The following TAB2 variants were observed in gnomAD, a reference collection of about 807,000 sequenced individuals.
TAB2 encodes the protein TGF-beta activated kinase 1 (MAP3K7) binding protein 2, also known as TGF-beta-activated kinase 1 and MAP3K7-binding protein 2.
TAB2 carries 3 observed loss-of-function variants against 65.0 expected under a neutral mutation model. The observed-to-expected ratio is 0.05, with a 90% CI of 0.02 to 0.12. TAB2 has a LOEUF of 0.12. Ranked by LOEUF, TAB2 falls within the 10% of genes least tolerant of loss-of-function variation. The probability of loss-of-function intolerance (pLI) is 1.00; values close to 1 mark genes in which losing one functional copy is unlikely to be tolerated. For missense variants in TAB2, 623 were observed against 840.3 expected, an observed-to-expected ratio of 0.74 and a Z score of 3.20; for synonymous variants, 298 against 285.1, an observed-to-expected ratio of 1.05 and a Z score of -0.46.
At chr6:149,318,610 C>A (rs1279159877) in intron 1 of TAB2, 1 of 152,198 alleles carries the variant, frequency 6.6e-6, no homozygotes, top group African/African-American at 2.4e-5. Flanking sequence ...CCTTAAATTT[C>A]ACTGGATGTT....
chr6:149,292,493 C>T (rs1778795350), intron 1 of TAB2, among the ~76,000 whole-genome samples: 1 of 151,646 alleles, frequency 6.6e-6, no homozygotes, highest in Non-Finnish European at 1.5e-5. Context: ...TTTCTCCTTA[C>T]TTTGAAAAAG....
intron 1 of TAB2, among the ~76,000 whole-genome samples, chr6:149,356,564 G>C (rs575218595): frequency 1.3e-5 from 2 of 152,120 alleles, no homozygotes; most frequent in Non-Finnish European, 2.9e-5. Flanking sequence ...CTATGTCCTC[G>C]CATGGTGGAA....
At chr6:149,271,713 A>G (rs1778368142) in intron 1 of TAB2, among the ~76,000 whole-genome samples, 1 of 152,174 alleles carries the variant, frequency 6.6e-6, no homozygotes, top group East Asian at 1.9e-4. Context: ...GGAAGAGTCT[A>G]CGTAGGGGAT....
chr6:149,309,510 C>T (rs1418760951), intron 1 of TAB2, among the ~76,000 whole-genome samples: 2 of 151,914 alleles, frequency 1.3e-5, no homozygotes, highest in Non-Finnish European at 1.5e-5. Flanking sequence ...CTTTCTCCTG[C>T]CTCAGCCTCC....
intron 1 of TAB2, among the ~76,000 whole-genome samples, chr6:149,231,206 G>A (rs548714707): frequency 3.3e-5 from 5 of 152,338 alleles, no homozygotes; most frequent in East Asian, 1.9e-4. Context: ...AAGGGGAGAC[G>A]AAATGTGGAC....
chr6:149,377,225 C>A (rs1026309458), intron 2 of TAB2, among the ~76,000 whole-genome samples: 1 of 151,810 alleles, frequency 6.6e-6, no homozygotes, highest in Non-Finnish European at 1.5e-5. Context: ...CGCCCGCCAC[C>A]ACGCCCGGCT....
intron 6 of TAB2, among the ~76,000 whole-genome samples, chr6:149,403,519 G>C (rs1392346029): frequency 1.3e-5 from 2 of 151,470 alleles, no homozygotes; most frequent in African/African-American, 2.4e-5. Context: ...TTTCAACGTA[G>C]TACAGGAAGT....
chr6:149,254,006 G>GAAAGAAAGAAAGAAAGA, intron 1 of TAB2, among the ~76,000 whole-genome samples: 1 of 139,124 alleles, frequency 7.2e-6, no homozygotes, highest in South Asian at 2.4e-4. Flanking sequence ...AAGAAAGAAA[G>GAAAGAAAGAAAGAAAGA]AAAGAAAGAA....
At chr6:149,235,474 A>G (rs1254160457) in intron 1 of TAB2, among the ~76,000 whole-genome samples, 3 of 152,240 alleles carry the variant, frequency 2.0e-5, no homozygotes, top group African/African-American at 7.2e-5. Flanking sequence ...AGGAACTAGG[A>G]TCAGGAGGGT....
At chr6:149,226,332 C>T (rs947491078) in intron 1 of TAB2, among the ~76,000 whole-genome samples, 1 of 152,118 alleles carries the variant, frequency 6.6e-6, no homozygotes, top group South Asian at 2.1e-4. Flanking sequence ...CGTGCTTCCG[C>T]TCTTCAGTGA....
At chr6:149,377,947 AT>A in intron 2 of TAB2, 70 bp from the exon 3 acceptor site, 2 of 1,171,414 alleles carry the variant, frequency 1.7e-6, no homozygotes, top group Non-Finnish European at 2.5e-6. Context: ...GTAATCATGT[AT>A]TTGTAGAGAT....
chr6:149,232,384 C>T (rs113780485), intron 1 of TAB2, among the ~76,000 whole-genome samples: 13,719 of 152,134 alleles, frequency 0.09, 1,011 homozygotes, highest in African/African-American at 0.21. Context: ...CACAACACCA[C>T]GCCCAGCTAA....
chr6:149,247,565 C>T (rs1777748813), intron 1 of TAB2: 1 of 152,298 alleles, frequency 6.6e-6, no homozygotes, highest in African/African-American at 2.4e-5. Flanking sequence ...GCAAGTCTTA[C>T]TCATGCCTTC....
In TAB2 at chr6:149,275,765, G is replaced by A. The variant is rs530933239; in HGVS notation, c.-121+56989G>A. On this transcript the variant is annotated intron_variant, in intron 1 of 1. Transcript: ENST00000606202. ...TGATGTGATGTGATGAGACTCTCAC[G>A]TTGACTATGTGGTCTTTTTCCCAAA... 3.9e-5 allele frequency among the ~76,000 whole-genome samples: 6 copies of A among 152,284 alleles called. No individual in the cohort carries two copies. The East Asian group carries it at 5.8e-4, about 15-fold the overall frequency.
At chr6:149,249,630 G>A (rs1359470315) in intron 1 of TAB2, among the ~76,000 whole-genome samples, 4 of 151,480 alleles carry the variant, frequency 2.6e-5, no homozygotes, top group African/African-American at 9.7e-5. Context: ...GTCTGTGTGT[G>A]TCTCTCCATC....
intron 1 of TAB2, among the ~76,000 whole-genome samples, chr6:149,249,123 GACACACACACATACACAC>G (rs1777802037): frequency 6.9e-6 from 1 of 144,220 alleles, no homozygotes; most frequent in Non-Finnish European, 1.5e-5. Flanking sequence ...TCTGCACACA[GACACACACACATACACAC>G]ACACACACAC....
intron 1 of TAB2, chr6:149,291,568 C>A (rs1287642860): frequency 6.6e-6 from 1 of 152,362 alleles, no homozygotes; most frequent in African/African-American, 2.4e-5. Flanking sequence ...CAGGTCAAAA[C>A]TGTCACACCG....
intron 1 of TAB2, among the ~76,000 whole-genome samples, chr6:149,324,068 A>G (rs1192490462): frequency 3.3e-5 from 5 of 152,210 alleles, no homozygotes; most frequent in African/African-American, 9.6e-5. Context: ...AATTTGTAGT[A>G]TTTTAATTGC....
intron 1 of TAB2, among the ~76,000 whole-genome samples, chr6:149,254,271 T>C (rs1442333192): frequency 4.6e-5 from 7 of 152,202 alleles, no homozygotes; most frequent in Non-Finnish European, 1.0e-4. Flanking sequence ...AGTACAGAGC[T>C]GTGGCAATCA....
Sources: allele counts gnomAD v4.1 joint callset (sites outside exome capture counted in the v4.1 genomes callset), GRCh38; gene constraint gnomAD v4.1.1; transcripts MANE v1.5; gene names NCBI Gene and HGNC (gene_info 2026-07-23, HGNC 2026-07-21).